CEP83: variants seen among roughly 807,000 people sequenced by gnomAD.
CEP83 encodes the protein centrosomal protein of 83 kDa.
A neutral mutation model predicts 101.9 loss-of-function variants in CEP83; 70 were observed. The observed-to-expected ratio is 0.69, with a 90% CI of 0.57 to 0.84. CEP83 has a LOEUF of 0.84. Among genes scored for constraint, CEP83 ranks in the 40% least tolerant of loss-of-function variants. CEP83 has a pLI of 0.00. For synonymous variants in CEP83, 264 were observed against 267.9 expected (o/e 0.99, Z 0.14); for missense variants, 715 against 787.2 (o/e 0.91, Z 1.10).
At chr12:94,279,704 C>T in the CEP83 span, 10,167 of 1,465,552 alleles carry the variant, frequency 6.9e-3, 53 homozygotes, top group Non-Finnish European at 8.4e-3. Flanking sequence ...TCCCTCCCTG[C>T]CTGCCCTCCC....
chr12:94,338,809 T>C (rs951702628), intron 11 of CEP83, among the ~76,000 whole-genome samples: 4 of 151,940 alleles, frequency 2.6e-5, no homozygotes, highest in African/African-American at 9.7e-5. Flanking sequence ...CAACAGAAAA[T>C]GTAGCTATAA....
chr12:94,363,563 T>C (rs1006353521), intron 11 of CEP83, among the ~76,000 whole-genome samples: 1 of 152,178 alleles, frequency 6.6e-6, no homozygotes, highest in African/African-American at 2.4e-5. Flanking sequence ...GCATTATTAA[T>C]AGCTAAAATG....
At chr12:94,412,731 C>G (rs1159521101) in intron 2 of CEP83, 140 bp from the exon 3 acceptor site, 1 of 280,928 alleles carries the variant, frequency 3.6e-6, no homozygotes, top group Non-Finnish European at 6.4e-6. Context: ...GCTCTGTTGC[C>G]CAGGCTAGAG....
chr12:94,395,883 CCA>C (rs2062857028), intron 6 of CEP83, among the ~76,000 whole-genome samples: 1 of 151,966 alleles, frequency 6.6e-6, no homozygotes, highest in African/African-American at 2.4e-5. Context: ...TCTCTTTTTG[CCA>C]TAGGAACTTT....
Position 94,445,700 on chromosome 12 carries a change from A to G in CEP83, c.-154-10373T>C, listed in dbSNP as rs536137227. On this transcript the variant is annotated intron_variant, in intron 1 of 16. Coordinates refer to ENST00000397809, the MANE Select transcript of CEP83 (RefSeq NM_016122.3). ...ACATTCAAATGGACACTTCACCAAA[A>G]AAGATTAAGTAAACATTTGTTTGTA... is the stretch of plus-strand genomic sequence containing the variant. 1.3e-4 allele frequency among the ~76,000 whole-genome samples: 20 copies of G among 152,364 alleles called. No homozygotes were observed. In the South Asian group the frequency reaches 3.3e-3, roughly 25 times the overall value.
At chr12:94,276,560 C>T in the CEP83 span, among the ~76,000 whole-genome samples, 9 of 152,228 alleles carry the variant, frequency 5.9e-5, no homozygotes, top group Non-Finnish European at 8.8e-5. Context: ...GCAAATCTGG[C>T]TTCAATTCCT....
At chr12:94,363,236 CCT>C (rs1359463305) in intron 11 of CEP83, among the ~76,000 whole-genome samples, 2 of 152,084 alleles carry the variant, frequency 1.3e-5, no homozygotes, top group Non-Finnish European at 2.9e-5. Context: ...TGCTAATTAC[CCT>C]GATTTGATCA....
At position 94,412,693 on chromosome 12, in the gene CEP83, C is replaced by T. The variant is rs79385420; in HGVS notation, c.-101-102G>A. The T allele has an allele frequency of 1.8e-3, 394 of 213,738 alleles. 3 individuals are homozygous for T. The highest frequency in any genetic ancestry group is 0.016 in the East Asian group (114 of 6,964). The allele number at this position is 213,738 out of a possible 1,614,324, so 13.2% of individuals were successfully genotyped here. ...TCACTTTTATTATTCTTTTTTTTTT[C>T]TTTTTTTTTTTTTTTTGAGAGGAGT... On this transcript the variant is annotated intron_variant, in intron 2 of 16. Coordinates refer to ENST00000397809, the MANE Select transcript of CEP83 (RefSeq NM_016122.3).
intron 1 of CEP83, among the ~76,000 whole-genome samples, chr12:94,435,650 T>C (rs1317179194): frequency 6.6e-6 from 1 of 152,182 alleles, no homozygotes; most frequent in Admixed American, 6.5e-5. Flanking sequence ...TGCTCCTCTC[T>C]TGAAATTGCC....
At chr12:94,344,900 G>A (rs2059859206) in intron 11 of CEP83, among the ~76,000 whole-genome samples, 1 of 152,158 alleles carries the variant, frequency 6.6e-6, no homozygotes, top group Non-Finnish European at 1.5e-5. Context: ...TAGAGGACGT[G>A]CACTACCTGA....
rs140798429 is a variant in CEP83, at chr12:94,385,688, T to C, written c.550-6646A>G. On this transcript the variant is annotated intron_variant, in intron 6 of 16. Coordinates refer to ENST00000397809, the MANE Select transcript of CEP83 (RefSeq NM_016122.3). ...GTCATTTCTGATTGGATGTCAGACA[T>C]TGTGAATTTAATGTTTTTTTCAGAG... Among the ~76,000 whole-genome samples the C allele has an allele frequency of 9.7e-4, 148 of 152,232 alleles. 1 individual carries two copies. The highest frequency in any genetic ancestry group is 5.6e-3 in the East Asian group (29 of 5,182).
At chr12:94,456,797 G>A (rs375110606) in intron 1 of CEP83, among the ~76,000 whole-genome samples, 14 of 152,264 alleles carry the variant, frequency 9.2e-5, no homozygotes, top group African/African-American at 3.4e-4. Flanking sequence ...GGGACACAAA[G>A]CCTAATCATA....
intron 11 of CEP83, among the ~76,000 whole-genome samples, chr12:94,358,785 T>G (rs2060601057): frequency 6.6e-6 from 1 of 152,238 alleles, no homozygotes; most frequent in South Asian, 2.1e-4. Flanking sequence ...TGCCCTTGCT[T>G]TTATCTCTTT....
In CEP83 at chr12:94,400,964, T is replaced by G. The variant is rs2063218422; in HGVS notation, c.435A>C (p.Arg145Ser). The change falls in exon 6 of 17, where the codon AGA (arginine) becomes AGC (serine). Residue 145 changes from arginine (R) to serine (S), a missense_variant. By Grantham distance (110) the Arg-to-Ser change is moderately radical (BLOSUM62 -1). Coordinates refer to ENST00000397809, the MANE Select transcript of CEP83 (RefSeq NM_016122.3). ...RNLDEEVEKY[R>S]AVYNKLRYEH... ...CATAGCGAAGCTTATTATATACAGCTCTATACTTTTCTACCTCCTAAAGGG... is the reference window on the plus strand; with the variant it reads ...CATAGCGAAGCTTATTATATACAGCGCTATACTTTTCTACCTCCTAAAGGG... 7.1e-7 allele frequency: 1 copy of G among 1,416,080 alleles called. No homozygotes were observed. The highest frequency in any genetic ancestry group is 9.3e-7 in the Non-Finnish European group (1 of 1,078,362). 87.7% of individuals were successfully genotyped at this position (1,416,080 alleles called of 1,614,324 possible).
At chr12:94,287,016 G>A in the CEP83 span, among the ~76,000 whole-genome samples, 117 of 152,282 alleles carry the variant, frequency 7.7e-4, no homozygotes, top group Non-Finnish European at 1.4e-3. Context: ...CCCCAGCACC[G>A]GGGAATTGCT....
intron 14 of CEP83, among the ~76,000 whole-genome samples, chr12:94,331,384 T>TTTTG: frequency 7.4e-6 from 1 of 134,978 alleles, no homozygotes; most frequent in Non-Finnish European, 1.6e-5. Flanking sequence ...TTTTTTTTTT[T>TTTTG]GCGACAGAGT....
intron 1 of CEP83, among the ~76,000 whole-genome samples, chr12:94,441,413 A>G (rs529230576): frequency 6.6e-6 from 1 of 152,260 alleles, no homozygotes; most frequent in East Asian, 1.9e-4. Context: ...CAACAGACAT[A>G]TGAAAAAATG....
At chr12:94,390,170 G>T (rs1211344686) in intron 6 of CEP83, among the ~76,000 whole-genome samples, 1 of 152,304 alleles carries the variant, frequency 6.6e-6, no homozygotes, top group South Asian at 2.1e-4. Context: ...TCCTCAAGTG[G>T]GTCCCTGGCA....
intron 6 of CEP83, among the ~76,000 whole-genome samples, chr12:94,387,255 C>G (rs2062202818): frequency 6.6e-6 from 1 of 152,196 alleles, no homozygotes; most frequent in African/African-American, 2.4e-5. Flanking sequence ...GGCCACACAG[C>G]AGGAAGTGAG....
Sources: allele counts gnomAD v4.1 joint callset (sites outside exome capture counted in the v4.1 genomes callset), GRCh38; gene constraint gnomAD v4.1.1; transcripts MANE v1.5; gene names NCBI Gene and HGNC (gene_info 2026-07-23, HGNC 2026-07-21).